MAP3K19: variants seen among roughly 807,000 people sequenced by gnomAD.
MAP3K19 encodes mitogen-activated protein kinase kinase kinase 19.
MAP3K19 carries 91 observed loss-of-function variants against 114.4 expected under a neutral mutation model. The ratio of observed to expected loss-of-function variants is 0.80; its 90% confidence interval spans 0.67 to 0.95. MAP3K19 has a LOEUF of 0.95. MAP3K19 is among the 40% of genes least tolerant of loss of function. The pLI, the probability that MAP3K19 is intolerant of heterozygous loss-of-function variation, is 0.00. For missense variants in MAP3K19, 1,471 were observed against 1,573.2 expected (o/e 0.94, Z 1.10); for synonymous variants, 518 against 530.5 (o/e 0.98, Z 0.32).
At chr2:135,004,569 T>C (rs1686679501) in intron 6 of MAP3K19, among the ~76,000 whole-genome samples, 2 of 152,190 alleles carry the variant, frequency 1.3e-5, no homozygotes, top group Non-Finnish European at 1.5e-5. Context: ...GCCAGAAGAT[T>C]GCCCGGGAGA....
At chr2:135,010,040 A>G (rs969458701) in intron 5 of MAP3K19, among the ~76,000 whole-genome samples, 5 of 152,118 alleles carry the variant, frequency 3.3e-5, no homozygotes, top group Non-Finnish European at 4.4e-5. Context: ...CTGGGTCCAG[A>G]GGTTGTGACC....
At chr2:135,038,492 A>G (rs149029494) in intron 2 of MAP3K19, among the ~76,000 whole-genome samples, 1 of 152,096 alleles carries the variant, frequency 6.6e-6, no homozygotes, top group East Asian at 1.9e-4. Flanking sequence ...GGATTCCTCC[A>G]TTTTGAAACA....
chr2:135,031,187 T>C (rs1688371693), intron 2 of MAP3K19, among the ~76,000 whole-genome samples: 1 of 144,132 alleles, frequency 6.9e-6, no homozygotes, highest in Non-Finnish European at 1.5e-5. Context: ...AATTGCAACA[T>C]GGGGTGATAA....
At chr2:135,003,253 T>A (rs1218274914) in intron 6 of MAP3K19, among the ~76,000 whole-genome samples, 1 of 152,210 alleles carries the variant, frequency 6.6e-6, no homozygotes, top group East Asian at 1.9e-4. Context: ...CAGTCTATGG[T>A]ATTTTGTTTT....
At chr2:135,022,562 T>C (rs530594515) in intron 4 of MAP3K19, among the ~76,000 whole-genome samples, 1 of 152,310 alleles carries the variant, frequency 6.6e-6, no homozygotes. Flanking sequence ...TCTGAATCTG[T>C]GCACTGCCCT....
intron 11 of MAP3K19, among the ~76,000 whole-genome samples, chr2:134,982,937 T>G (rs1299939101): frequency 6.6e-6 from 1 of 152,218 alleles, no homozygotes; most frequent in African/African-American, 2.4e-5. Context: ...AGATATATAA[T>G]GTTTGTACAT....
intron 3 of MAP3K19, among the ~76,000 whole-genome samples, chr2:135,025,806 A>G (rs1015316921): frequency 1.3e-4 from 6 of 47,912 alleles, no homozygotes; most frequent in African/African-American, 5.2e-4. Context: ...TGACAGCACA[A>G]GTCTCTTCTT....
intron 9 of MAP3K19, among the ~76,000 whole-genome samples, chr2:134,991,066 C>A (rs1291903721): frequency 1.3e-5 from 2 of 151,934 alleles, no homozygotes; most frequent in East Asian, 3.9e-4. Flanking sequence ...CTTTGGGAGG[C>A]CGAGGCGGGC....
chr2:135,015,433 G>A (rs187463823), intron 5 of MAP3K19, among the ~76,000 whole-genome samples: 38 of 152,162 alleles, frequency 2.5e-4, no homozygotes, highest in Admixed American at 1.2e-3. Context: ...TTTTCTGAAT[G>A]CAGGTCCTTT....
intron 6 of MAP3K19, among the ~76,000 whole-genome samples, chr2:135,001,194 G>T (rs1686413306): frequency 6.6e-6 from 1 of 151,416 alleles, no homozygotes; most frequent in Non-Finnish European, 1.5e-5. Flanking sequence ...TGATAATAGT[G>T]TTTACTATCA....
chr2:134,979,271 T>C (rs894359486), intron 12 of MAP3K19, among the ~76,000 whole-genome samples: 1 of 152,186 alleles, frequency 6.6e-6, no homozygotes, highest in African/African-American at 2.4e-5. Flanking sequence ...AAACTCCTAA[T>C]TTTGTGCCCC....
chr2:135,023,697 C>T, intron 4 of MAP3K19: 1 of 405,694 alleles, frequency 2.5e-6, no homozygotes, highest in Non-Finnish European at 5.0e-6. Context: ...CTCCCAGCAT[C>T]TCTTAGGCTC....
intron 5 of MAP3K19, among the ~76,000 whole-genome samples, chr2:135,020,654 G>A (rs1687906152): frequency 1.3e-5 from 2 of 152,310 alleles, no homozygotes; most frequent in South Asian, 2.1e-4. Flanking sequence ...ATCCCCACAT[G>A]TCAAGGGAGG....
At chr2:134,967,955 G>C (rs925239817) in intron 12 of MAP3K19, among the ~76,000 whole-genome samples, 1 of 151,876 alleles carries the variant, frequency 6.6e-6, no homozygotes, top group Admixed American at 6.6e-5. Context: ...AAGGTCAGCA[G>C]ATAAACAAGT....
chr2:135,036,214 A>G (rs1163218089), intron 2 of MAP3K19, among the ~76,000 whole-genome samples: 1 of 152,140 alleles, frequency 6.6e-6, no homozygotes, highest in Non-Finnish European at 1.5e-5. Flanking sequence ...ATGTCTTAGC[A>G]TAAATACAAC....
At chr2:134,971,341 G>C (rs1243957949) in intron 12 of MAP3K19, among the ~76,000 whole-genome samples, 3 of 152,126 alleles carry the variant, frequency 2.0e-5, no homozygotes, top group Non-Finnish European at 4.4e-5. Flanking sequence ...CAGGAATTTT[G>C]TATCTGTGTT....
intron 8 of MAP3K19, among the ~76,000 whole-genome samples, chr2:134,995,836 A>G (rs575100535): frequency 5.8e-4 from 89 of 152,348 alleles, no homozygotes; most frequent in African/African-American, 2.0e-3. Context: ...AGTAATGTAA[A>G]AGTAATAAAT....
intron 8 of MAP3K19, 91 bp downstream of exon 8, chr2:134,998,647 T>A: frequency 7.3e-7 from 1 of 1,364,478 alleles, no homozygotes; most frequent in Non-Finnish European, 9.9e-7. Context: ...TGTTCACTGC[T>A]TTATCTCTAG....
At position 135,024,184 on chromosome 2, in the gene MAP3K19, C is replaced by T. The variant is rs540387956; in HGVS notation, c.22+442G>A. ...TGCCCCCGAAGCTTCAAACAGAAAGCGAATCAAACAATAAAGTCAGGCAGC... is the reference window on the plus strand; with the variant it reads ...TGCCCCCGAAGCTTCAAACAGAAAGTGAATCAAACAATAAAGTCAGGCAGC... On this transcript the variant is annotated intron_variant, in intron 4 of 12. Transcript: ENST00000392915. Among the ~76,000 whole-genome samples the T allele has an allele frequency of 5.9e-5, 9 of 152,292 alleles. No homozygotes were observed. The South Asian group carries it at 1.7e-3, about 28-fold the overall frequency.
Sources: gnomAD v4.1 joint callset for allele counts (sites outside exome capture counted in the v4.1 genomes callset) on GRCh38, gnomAD v4.1.1 for gene constraint, MANE v1.5 for transcripts, NCBI Gene and HGNC (gene_info 2026-07-23, HGNC 2026-07-21) for gene names.